Variants in ARHGEF6 observed in about 807,000 individuals in gnomAD.
The protein encoded by ARHGEF6 is Rac/Cdc42 guanine nucleotide exchange factor 6, also known as rho guanine nucleotide exchange factor 6.
Under a neutral mutation model 70.3 loss-of-function variants are expected in ARHGEF6, and 9 were observed. The observed-to-expected ratio is 0.13, with a 90% CI of 0.08 to 0.22. ARHGEF6 has a LOEUF of 0.22. ARHGEF6 is among the 10% of genes least tolerant of loss of function. The pLI, the probability that ARHGEF6 is intolerant of heterozygous loss-of-function variation, is 1.00. For missense variants in ARHGEF6, 470 were observed against 563.0 expected (o/e 0.83, Z 1.67); for synonymous variants, 201 against 207.8 (o/e 0.97, Z 0.28).
At chrX:136,765,450 C>T (rs192655003) in intron 2 of ARHGEF6, among the ~76,000 whole-genome samples, 95 of 112,067 alleles carry the variant, frequency 8.5e-4, no homozygotes, top group Non-Finnish European at 1.6e-3. Flanking sequence ...CACCTGCTCT[C>T]CCTGAATGTG....
At chrX:136,671,865 T>C (rs878920606) in intron 20 of ARHGEF6, among the ~76,000 whole-genome samples, 155 bp downstream of exon 20, 2 of 111,931 alleles carry the variant, frequency 1.8e-5, no homozygotes, top group Non-Finnish European at 3.8e-5. Context: ...GGCAGCCCTC[T>C]AAAGTCTCCC....
intron 10 of ARHGEF6, among the ~76,000 whole-genome samples, chrX:136,688,452 A>G (rs929013978): frequency 9.0e-6 from 1 of 110,726 alleles, no homozygotes; most frequent in Non-Finnish European, 1.9e-5. Context: ...TTGTTGGTAG[A>G]TGACAGGAGG....
At chrX:136,718,694 A>G (rs1239276420) in intron 6 of ARHGEF6, among the ~76,000 whole-genome samples, 1 of 111,416 alleles carries the variant, frequency 9.0e-6, no homozygotes, top group Non-Finnish European at 1.9e-5. Context: ...CAGGGCCAAT[A>G]TGATATTGTG....
At chrX:136,713,145 C>T in intron 7 of ARHGEF6, 131 bp downstream of exon 7, 1 of 555,771 alleles carries the variant, frequency 1.8e-6, no homozygotes, top group Non-Finnish European at 3.1e-6. Context: ...TGACCATGTT[C>T]TTGGCAACCT....
chrX:136,743,543 A>G, intron 5 of ARHGEF6, 42 bp downstream of exon 5: 1 of 1,142,981 alleles, frequency 8.7e-7, no homozygotes, highest in Non-Finnish European at 1.2e-6. Flanking sequence ...CCAAGAAAGT[A>G]CAAGAGTCAC....
intron 9 of ARHGEF6, among the ~76,000 whole-genome samples, chrX:136,692,304 C>T (rs1370980081): frequency 9.0e-6 from 1 of 111,504 alleles, no homozygotes; most frequent in East Asian, 2.8e-4. Flanking sequence ...TTTGCCCAGG[C>T]TGGTGTCGAA....
chrX:136,699,922 G>T (rs1358301818), intron 9 of ARHGEF6, among the ~76,000 whole-genome samples: 1 of 111,086 alleles, frequency 9.0e-6, no homozygotes, highest in African/African-American at 3.3e-5. Context: ...ACAAAGGCCT[G>T]TCTTCCAAGG....
In ARHGEF6 at chrX:136,767,402, C is replaced by A. The variant is rs1285537454; in HGVS notation, c.249+12012G>T. ...GGGCGGCTGCAACTTTGCGCCTGGA[C>A]GCGGGCGAGGAGGGGGCGCCCGTCT... is the stretch of plus-strand genomic sequence containing the variant. On this transcript the variant is annotated intron_variant, in intron 2 of 21. Coordinates refer to ENST00000250617, the MANE Select transcript of ARHGEF6 (RefSeq NM_004840.3). 6.6e-6 allele frequency: 5 copies of A among 754,202 alleles called. No homozygotes were observed. In the African/African-American group the frequency reaches 1.1e-4, roughly 17 times the overall value. The allele number at this position is 754,202 out of a possible 1,213,427, so 62.2% of individuals were successfully genotyped here.
Position 136,734,549 on chromosome X carries a change from G to A in ARHGEF6, c.662-2377C>T, listed in dbSNP as rs980330766. Among the ~76,000 whole-genome samples, 4 of 111,794 alleles carry A rather than the reference G, an allele frequency of 3.6e-5. No homozygotes were observed. The East Asian group carries it at 1.1e-3, about 31-fold the overall frequency. ...AAGGAAATCTCCAGGCCCATAAGGT[G>A]TCACTGGAGAATTCTATTAACTGTT... is the stretch of plus-strand genomic sequence containing the variant. On this transcript the variant is annotated intron_variant, in intron 5 of 21. Coordinates refer to ENST00000250617, the MANE Select transcript of ARHGEF6 (RefSeq NM_004840.3).
At chrX:136,771,782 A>G (rs192151863) in intron 2 of ARHGEF6, among the ~76,000 whole-genome samples, 131 of 112,037 alleles carry the variant, frequency 1.2e-3, no homozygotes, top group African/African-American at 4.1e-3. Flanking sequence ...GGATGTGGAG[A>G]AAAGGGAACC....
intron 20 of ARHGEF6, among the ~76,000 whole-genome samples, chrX:136,670,344 G>C (rs1427172521): frequency 9.0e-6 from 1 of 111,717 alleles, no homozygotes; most frequent in Non-Finnish European, 1.9e-5. Flanking sequence ...GGCGGAAAAA[G>C]AAAAACTTTA....
intron 9 of ARHGEF6, among the ~76,000 whole-genome samples, chrX:136,701,942 C>T (rs1202606976): frequency 5.4e-5 from 6 of 110,363 alleles, no homozygotes; most frequent in African/African-American, 9.9e-5. Flanking sequence ...CTCCTGACCT[C>T]GTGATCCGCC....
intron 2 of ARHGEF6, among the ~76,000 whole-genome samples, chrX:136,757,154 G>A (rs1366686440): frequency 8.9e-6 from 1 of 112,751 alleles, no homozygotes; most frequent in Non-Finnish European, 1.9e-5. Flanking sequence ...ATCACTTGAG[G>A]TCAGGAGTTT....
At chrX:136,767,543 C>T in intron 2 of ARHGEF6, 1 of 754,617 alleles carries the variant, frequency 1.3e-6, no homozygotes, top group Non-Finnish European at 1.6e-6. Flanking sequence ...GCTCGGCGGG[C>T]GGAGGATCGC....
rs774178217 is a variant in ARHGEF6, at chrX:136,667,108, A to T, written c.*921T>A. 8.9e-6 allele frequency: 1 copy of T among 112,772 alleles called. No homozygotes were observed. Among genetic ancestry groups the T allele is most frequent in the South Asian group, 3.6e-4 (1 of 2,755 alleles). The allele number at this position is 112,772 out of a possible 1,213,427, so 9.3% of individuals were successfully genotyped here. ...CCTCACAGTCTAACTACATTTTTTT[A>T]AAAAGTAAGCAAAGCACATACATAC... On this transcript the variant is annotated 3_prime_UTR_variant, in exon 22 of 22. Transcript: ENST00000250617.
intron 2 of ARHGEF6, among the ~76,000 whole-genome samples, chrX:136,752,511 C>T (rs1053131739): frequency 8.9e-6 from 1 of 112,316 alleles, no homozygotes; most frequent in Non-Finnish European, 1.9e-5. Context: ...ACATCATGCT[C>T]TAACCACCTG....
In ARHGEF6 at chrX:136,685,690, T is replaced by C. The variant is rs781719668; in HGVS notation, c.1379A>G (p.Tyr460Cys). The C allele has an allele frequency of 5.0e-6, 6 of 1,208,123 alleles. No homozygotes were observed. Among genetic ancestry groups the C allele is most frequent in the Non-Finnish European group, 6.7e-6 (6 of 893,361 alleles). The change falls in exon 12 of 22, where the codon TAT becomes TGT. Residue 460 changes from tyrosine (Y) to cysteine (C), a missense_variant. Physicochemically the swap from Tyr to Cys is radical, Grantham distance 194 (BLOSUM62 -2). This residue lies in a region of ARHGEF6 where 379 missense variants were observed against 449.3 expected (regional missense o/e 0.84). Coordinates refer to ENST00000250617, the MANE Select transcript of ARHGEF6 (RefSeq NM_004840.3). The part of the protein sequence containing the change: ...VIFMSQVMVQ[Y>C]GACEEKEERY... Reference sequence around the variant, plus strand: ...GAAATACCTTACCTCACATGCTCCATACTGCACCATTACTTGTGACATAAA... The same window carrying C: ...GAAATACCTTACCTCACATGCTCCACACTGCACCATTACTTGTGACATAAA...
intron 9 of ARHGEF6, 86 bp from the exon 10 acceptor site, chrX:136,690,834 C>T: frequency 9.6e-7 from 1 of 1,044,874 alleles, no homozygotes; most frequent in Admixed American, 2.3e-5. Flanking sequence ...CTGTATTTCA[C>T]ACAATATAAA....
chrX:136,723,989 T>A (rs942042830), intron 6 of ARHGEF6, among the ~76,000 whole-genome samples: 4 of 111,404 alleles, frequency 3.6e-5, no homozygotes, highest in South Asian at 3.7e-4. Context: ...GGTGTTGAGA[T>A]TCAAAAAGGA....
Sources: allele counts gnomAD v4.1 joint callset (sites outside exome capture counted in the v4.1 genomes callset), GRCh38; gene constraint gnomAD v4.1.1; regional missense constraint gnomAD v4.1.1; transcripts MANE v1.5; gene names NCBI Gene and HGNC (gene_info 2026-07-23, HGNC 2026-07-21).